The following CHSY1 variants were observed in gnomAD, a reference collection of about 807,000 sequenced individuals.
The protein encoded by CHSY1 is chondroitin sulfate synthase 1, also known as N-acetylgalactosaminyl-proteoglycan 3-beta-glucuronosyltransferase 1.
A neutral mutation model predicts 59.8 loss-of-function variants in CHSY1; 13 were observed. The ratio of observed to expected loss-of-function variants is 0.22; its 90% confidence interval spans 0.14 to 0.35. The LOEUF is 0.35. Among genes scored for constraint, CHSY1 ranks in the 10% least tolerant of loss-of-function variants. The probability of loss-of-function intolerance (pLI) is 1.00; values close to 1 mark genes in which losing one functional copy is unlikely to be tolerated. For missense variants in CHSY1, 947 were observed against 1,030.6 expected, an observed-to-expected ratio of 0.92 and a Z score of 1.11; for synonymous variants, 459 against 401.2, an observed-to-expected ratio of 1.14 and a Z score of -1.72.
At chr15:101,213,853 T>C (rs1201824337) in intron 2 of CHSY1, among the ~76,000 whole-genome samples, 1 of 152,232 alleles carries the variant, frequency 6.6e-6, no homozygotes, top group Non-Finnish European at 1.5e-5. Flanking sequence ...ACTCGGTGTT[T>C]AAGTCTTACT....
intron 2 of CHSY1, among the ~76,000 whole-genome samples, chr15:101,209,482 A>C (rs1252593047): frequency 1.3e-5 from 2 of 152,226 alleles, no homozygotes; most frequent in Non-Finnish European, 2.9e-5. Context: ...GTATGCCGTG[A>C]AGCTTTTTGT....
intron 2 of CHSY1, among the ~76,000 whole-genome samples, chr15:101,191,534 C>G (rs1234060840): frequency 6.6e-6 from 1 of 152,198 alleles, no homozygotes; most frequent in African/African-American, 2.4e-5. Context: ...GAATGTTCAA[C>G]ACCAAGAGTG....
chr15:101,246,060 A>C (rs1019009574), intron 1 of CHSY1, among the ~76,000 whole-genome samples: 14 of 152,240 alleles, frequency 9.2e-5, no homozygotes, highest in Non-Finnish European at 1.8e-4. Context: ...CATTAGGAAG[A>C]GATCATTCAC....
At chr15:101,238,593 T>A (rs770750714) in intron 1 of CHSY1, among the ~76,000 whole-genome samples, 3 of 152,208 alleles carry the variant, frequency 2.0e-5, no homozygotes, top group Non-Finnish European at 4.4e-5. Context: ...ATGACGCCGG[T>A]AACTATAAAA....
chr15:101,215,990 GAGA>G (rs1449971149), intron 2 of CHSY1, among the ~76,000 whole-genome samples: 1 of 151,930 alleles, frequency 6.6e-6, no homozygotes, highest in African/African-American at 2.4e-5. Context: ...CCCAACCTCA[GAGA>G]AGATCACTTC....
intron 2 of CHSY1, among the ~76,000 whole-genome samples, chr15:101,232,573 A>G (rs2038902286): frequency 6.6e-6 from 1 of 152,254 alleles, no homozygotes; most frequent in African/African-American, 2.4e-5. Flanking sequence ...TGACCTAAGG[A>G]AGGGAAGAAT....
intron 2 of CHSY1, among the ~76,000 whole-genome samples, chr15:101,221,513 T>C (rs999229413): frequency 6.6e-6 from 1 of 152,214 alleles, no homozygotes; most frequent in Non-Finnish European, 1.5e-5. Flanking sequence ...AACAAAGTTT[T>C]AAAAATTAAG....
Position 101,251,307 on chromosome 15 carries a change from G to C in CHSY1, c.150C>G (p.Ser50=). 8.6e-7 allele frequency: 1 copy of C among 1,166,122 alleles called. No homozygotes were observed. The highest frequency in any genetic ancestry group is 1.1e-6 in the Non-Finnish European group (1 of 947,638). The allele number at this position is 1,166,122 out of a possible 1,614,324, so 72.2% of individuals were successfully genotyped here. Residue 50 remains serine (S), a synonymous_variant, in exon 1 of 3, where the codon TCC becomes TCG. Coordinates refer to ENST00000254190, the MANE Select transcript of CHSY1 (RefSeq NM_014918.5). ...RRRASPEGCR[S]GQAAASQAGG... ...CGGCCTGGGAAGCCGCCGCCTGCCC[G>C]GACCGGCAGCCCTCGGGGCTGGCGC...
intron 2 of CHSY1, chr15:101,188,108 C>T: frequency 1.0e-6 from 1 of 985,446 alleles, no homozygotes; most frequent in Non-Finnish European, 1.2e-6. Flanking sequence ...TCAGCACGTA[C>T]ACGGTTCAGC....
intron 2 of CHSY1, among the ~76,000 whole-genome samples, chr15:101,221,739 C>A (rs1460282191): frequency 6.6e-6 from 1 of 152,112 alleles, no homozygotes; most frequent in Admixed American, 6.5e-5. Flanking sequence ...TGTACCTGTT[C>A]CAGGAGACGG....
chr15:101,216,405 T>G (rs984279852), intron 2 of CHSY1, among the ~76,000 whole-genome samples: 1 of 152,232 alleles, frequency 6.6e-6, no homozygotes, highest in African/African-American at 2.4e-5. Context: ...TTTACCCAAC[T>G]GATTTAAAAA....
chr15:101,202,051 G>A (rs568785345), intron 2 of CHSY1, among the ~76,000 whole-genome samples: 1 of 152,380 alleles, frequency 6.6e-6, no homozygotes, highest in Non-Finnish European at 1.5e-5. Flanking sequence ...AGAAGCTGCT[G>A]ATGACAAGCT....
chr15:101,179,488 G>T (rs186227359), intron 2 of CHSY1, among the ~76,000 whole-genome samples: 1 of 152,374 alleles, frequency 6.6e-6, no homozygotes, highest in East Asian at 1.9e-4. Flanking sequence ...GGAAGGGAAA[G>T]CCTATCAGAG....
intron 1 of CHSY1, among the ~76,000 whole-genome samples, chr15:101,239,516 G>A (rs1227219629): frequency 1.3e-5 from 2 of 152,210 alleles, no homozygotes; most frequent in Admixed American, 6.5e-5. Context: ...TGTAAACGGG[G>A]GTTGTTGTGA....
intron 2 of CHSY1, among the ~76,000 whole-genome samples, chr15:101,208,629 C>T (rs2038651336): frequency 6.6e-6 from 1 of 150,426 alleles, no homozygotes; most frequent in Non-Finnish European, 1.5e-5. Context: ...ATGAGAATTG[C>T]TTGAACCCAG....
chr15:101,206,796 A>G (rs2141257744), intron 2 of CHSY1, among the ~76,000 whole-genome samples: 1 of 152,348 alleles, frequency 6.6e-6, no homozygotes. Flanking sequence ...GTTTTGGGGC[A>G]CAGCCTAAAA....
chr15:101,233,138 G>A (rs1471547306), intron 2 of CHSY1, among the ~76,000 whole-genome samples: 1 of 152,174 alleles, frequency 6.6e-6, no homozygotes, highest in Non-Finnish European at 1.5e-5. Context: ...CCCTTCGCAG[G>A]CCATCAGAAA....
chr15:101,203,431 C>T (rs2038592924), intron 2 of CHSY1, among the ~76,000 whole-genome samples: 2 of 152,106 alleles, frequency 1.3e-5, no homozygotes, highest in African/African-American at 2.4e-5. Context: ...CTAAGAATTA[C>T]CAAAAGCCCC....
chr15:101,219,762 C>G (rs1042905919), intron 2 of CHSY1, among the ~76,000 whole-genome samples: 4 of 152,158 alleles, frequency 2.6e-5, no homozygotes, highest in Admixed American at 2.6e-4. Flanking sequence ...TCCACCCATA[C>G]CAGAGGATTC....
Sources: gnomAD v4.1 joint callset for allele counts (sites outside exome capture counted in the v4.1 genomes callset) on GRCh38, gnomAD v4.1.1 for gene constraint, MANE v1.5 for transcripts, NCBI Gene and HGNC (gene_info 2026-07-23, HGNC 2026-07-21) for gene names.